The following KLK2 variants were observed in gnomAD, a reference collection of about 807,000 sequenced individuals.
KLK2 encodes the protein kallikrein related peptidase 2.
Under a neutral mutation model 23.0 loss-of-function variants are expected in KLK2, and 17 were observed. The observed-to-expected ratio is 0.74, with a 90% CI of 0.51 to 1.11. The LOEUF (loss-of-function observed/expected upper bound fraction) is 1.11, where lower values mean the gene tolerates loss of function less well. Ranked by LOEUF, KLK2 falls within the 50% of genes least tolerant of loss-of-function variation. The pLI is 0.00. For synonymous variants in KLK2, 140 were observed against 124.7 expected (o/e 1.12, Z -0.82); for missense variants, 330 against 325.9 (o/e 1.01, Z -0.10).
chr19:50,878,328 G>A (rs1468697299), intron 4 of KLK2, 76 bp from the exon 5 acceptor site: 1 of 1,444,674 alleles, frequency 6.9e-7, no homozygotes, highest in Non-Finnish European at 9.5e-7. Context: ...TGCCTGCGCG[G>A]TTCTGAGAGA....
rs74761463 is a variant in KLK2, at chr19:50,878,324, C to T, written c.631-80C>T. The T allele has an allele frequency of 9.5e-3, 13,090 of 1,372,044 alleles. 85 individuals are homozygous for T. Among genetic ancestry groups the T allele is most frequent in the Non-Finnish European group, 0.011 (10,431 of 991,266 alleles). The allele number at this position is 1,372,044 out of a possible 1,614,324, so 85.0% of individuals were successfully genotyped here. A position where few individuals can be genotyped will look rare whatever the true frequency, so the allele number is the denominator to read the frequency against. The stretch of plus-strand genomic sequence containing the variant: ...GGAATTGCTCTCAGTCATCTGCCTG[C>T]GCGGTTCTGAGAGATGGAGTTGCCT... On this transcript the variant is annotated intron_variant, in intron 4 of 4. Coordinates refer to ENST00000325321, the MANE Select transcript of KLK2 (RefSeq NM_005551.5).
At chr19:50,873,879 A>C in intron 1 of KLK2, 1 of 285,240 alleles carries the variant, frequency 3.5e-6, no homozygotes, top group Non-Finnish European at 6.6e-6. Context: ...TGAGCCCCTC[A>C]GTCCTACCAC....
chr19:50,877,288 A>G (rs77792593), intron 4 of KLK2: 9,512 of 514,358 alleles, frequency 0.018, 124 homozygotes, highest in Non-Finnish European at 0.027. Flanking sequence ...GGGAAGCAGC[A>G]GTGAACAGGT....
intron 4 of KLK2, chr19:50,877,227 A>G: frequency 1.6e-6 from 1 of 616,384 alleles, no homozygotes; most frequent in Non-Finnish European, 2.8e-6. Flanking sequence ...TCCTGTGTTG[A>G]GCACATGCTT....
chr19:50,876,543 G>A lies in KLK2; in HGVS notation c.278G>A (p.Ser93Asn). ...PEDTGQRVPV[S>N]HSFPHPLYNM... ...GACACAGGCCAGAGGGTCCCTGTCA[G>A]CCACAGCTTCCCACACCCGCTCTAC... The change falls in exon 3 of 5, where the codon AGC becomes AAC. Residue 93 changes from serine (S) to asparagine (N), a missense_variant. Physicochemically the swap from Ser to Asn is conservative, Grantham distance 46. Transcript: ENST00000325321. 2 of 1,614,196 alleles carry A rather than the reference G, an allele frequency of 1.2e-6. No individual in the cohort carries two copies. Among genetic ancestry groups the A allele is most frequent in the Non-Finnish European group, 1.7e-6 (2 of 1,180,036 alleles).
chr19:50,878,569 TC>T lies in KLK2; in HGVS notation c.*13del, dbSNP rs778210185. 1.2e-5 allele frequency: 19 copies of T among 1,608,538 alleles called. No homozygotes were observed. Among genetic ancestry groups the T allele is most frequent in the Non-Finnish European group, 1.2e-5 (14 of 1,175,906 alleles). On this transcript the variant is annotated 3_prime_UTR_variant, in exon 5 of 5. Transcript: ENST00000325321. ...CGCAGCCAACCCCTGAGTGCCCCTG[TC>T]CCACCCCTACCTCTAGTAAATTTAA...
In KLK2 at chr19:50,876,464, C is replaced by T; in HGVS notation, c.207-8C>T. 1 of 1,613,706 alleles carries T rather than the reference C, an allele frequency of 6.2e-7. No homozygotes were observed. Among genetic ancestry groups the T allele is most frequent in the African/African-American group, 1.3e-5 (1 of 75,026 alleles). On this transcript the variant is annotated splice_polypyrimidine_tract_variant and splice_region_variant and intron_variant, in intron 2 of 4. Transcript: ENST00000325321. Reference sequence around the variant, plus strand: ...CTCTCCTCATGCATCCACCCCCTTCCTCCCCAGGAATAGCCAGGTCTGGCT... The same window carrying T: ...CTCTCCTCATGCATCCACCCCCTTCTTCCCCAGGAATAGCCAGGTCTGGCT...
Position 50,878,412 on chromosome 19 carries a change from T to C in KLK2, c.639T>C (p.Ser213=), listed in dbSNP as rs1229917803. 2 of 1,613,282 alleles carry C rather than the reference T, an allele frequency of 1.2e-6. No individual in the cohort carries two copies. The highest frequency in any genetic ancestry group is 1.7e-6 in the Non-Finnish European group (2 of 1,179,424). ...TCCTCCTTTACCCTTAGGGTGATTC[T>C]GGGGGTCCACTTGTCTGTAATGGTG... ...TGGKDTCGGD[S]GGPLVCNGVL... is the part of the protein sequence containing the mutation. The change falls in exon 5 of 5, where the codon TCT becomes TCC. Residue 213 remains serine, a synonymous_variant. Coordinates refer to ENST00000325321, the MANE Select transcript of KLK2 (RefSeq NM_005551.5).
At position 50,880,239 on chromosome 19, in the gene KLK2, A is replaced by G. The variant is rs1167447648; in HGVS notation, c.*1680A>G. ...CCAGAGCAGGAGGACGCTGCACACC[A>G]TGCAGGATGACATGGGGGATGCGCT... On this transcript the variant is annotated 3_prime_UTR_variant, in exon 5 of 5. Coordinates refer to ENST00000325321, the MANE Select transcript of KLK2 (RefSeq NM_005551.5). 4.3e-6 allele frequency: 1 copy of G among 230,632 alleles called. No homozygotes were observed. The highest frequency in any genetic ancestry group is 5.6e-5 in the Admixed American group (1 of 17,702). The allele number at this position is 230,632 out of a possible 1,614,324, so 14.3% of individuals were successfully genotyped here.
At position 50,879,953 on chromosome 19, in the gene KLK2, G is replaced by A. The variant is rs1221400653; in HGVS notation, c.*1394G>A. ...GGATGAGGGAAAGGGAGAGGATGAG[G>A]AAGCCCCCCTGGGGATTTGGTTTGG... On this transcript the variant is annotated 3_prime_UTR_variant, in exon 5 of 5. Coordinates refer to ENST00000325321, the MANE Select transcript of KLK2 (RefSeq NM_005551.5). 8.7e-6 allele frequency: 2 copies of A among 230,484 alleles called. No homozygotes were observed. Among genetic ancestry groups the A allele is most frequent in the East Asian group, 6.2e-5 (1 of 16,210 alleles). The allele number at this position is 230,484 out of a possible 1,614,324, so 14.3% of individuals were successfully genotyped here.
intron 3 of KLK2, 56 bp downstream of exon 3, chr19:50,876,814 G>A (rs968979948): frequency 2.5e-6 from 4 of 1,610,058 alleles, no homozygotes; most frequent in Admixed American, 3.3e-5. Flanking sequence ...TCTGAGGGAA[G>A]TGGGGCCAAA....
intron 1 of KLK2, 130 bp from the exon 2 acceptor site, chr19:50,874,591 C>G: frequency 1.4e-6 from 1 of 691,688 alleles, no homozygotes; most frequent in Non-Finnish European, 2.4e-6. Flanking sequence ...CCTCCCAGGA[C>G]CCCTTGCTTG....
rs754308480 is a variant in KLK2 at position 50,874,810 on chromosome 19, G to T, written c.136G>T (p.Gly46Ter). 3.7e-6 allele frequency: 6 copies of T among 1,613,850 alleles called. No individual in the cohort carries two copies. ...QPWQVAVYSH[G>*]WAHCGGVLVH... ...CTGGCAGGTGGCTGTGTACAGTCAT[G>T]GATGGGCACACTGTGGGGGTGTCCT... The change falls in exon 2 of 5, where the codon GGA becomes TGA. Residue 46 changes from glycine (G) to a stop codon, truncating the protein, a stop_gained. Coordinates refer to ENST00000325321, the MANE Select transcript of KLK2 (RefSeq NM_005551.5). LOFTEE classifies it high-confidence loss of function.
At position 50,874,762 on chromosome 19, in the gene KLK2, G is replaced by A; in HGVS notation, c.88G>A (p.Glu30Lys). The A allele has an allele frequency of 6.2e-7, 1 of 1,613,208 alleles. No homozygotes were observed. The highest frequency in any genetic ancestry group is 8.5e-7 in the Non-Finnish European group (1 of 1,179,872). The change falls in exon 2 of 5, where the codon GAG becomes AAG. Residue 30 changes from glutamate to lysine, a missense_variant. Physicochemically the swap from Glu to Lys is moderately conservative, Grantham distance 56. Coordinates refer to ENST00000325321, the MANE Select transcript of KLK2 (RefSeq NM_005551.5). ...CCAGTCTCGGATTGTGGGAGGCTGG[G>A]AGTGTGAGAAGCATTCCCAACCCTG... ...LIQSRIVGGW[E>K]CEKHSQPWQV...
rs915385008 is a variant in KLK2, at chr19:50,878,744, C to T, written c.*185C>T. ...CAGGGCTGCTAGGAAAAGGAATGGG[C>T]AGACACAGGTGTATGCCAATGTTTC... On this transcript the variant is annotated 3_prime_UTR_variant, in exon 5 of 5. Coordinates refer to ENST00000325321, the MANE Select transcript of KLK2 (RefSeq NM_005551.5). The T allele has an allele frequency of 2.8e-4, 156 of 550,634 alleles. No homozygotes were observed. Among genetic ancestry groups the T allele is most frequent in the Admixed American group, 1.2e-3 (39 of 32,358 alleles). 34.1% of individuals were successfully genotyped at this position (550,634 alleles called of 1,614,324 possible). A position where few individuals can be genotyped will look rare whatever the true frequency, so the allele number is the denominator to read the frequency against.
chr19:50,875,945 C>A (rs558671594), intron 2 of KLK2: 9 of 164,828 alleles, frequency 5.5e-5, no homozygotes, highest in Admixed American at 1.2e-4. Flanking sequence ...TGCAGGTGAG[C>A]CACCCTCATG....
chr19:50,874,746 G>C lies in KLK2; in HGVS notation c.72G>C (p.Arg24=). The change falls in exon 2 of 5, where the codon CGG becomes CGC. Residue 24 remains arginine, a synonymous_variant. Transcript: ENST00000325321. The part of the protein sequence containing the change: ...CTGAVPLIQS[R]IVGGWECEKH... ...GTGCCGTGCCCCTCATCCAGTCTCG[G>C]ATTGTGGGAGGCTGGGAGTGTGAGA... 3 of 1,612,708 alleles carry C rather than the reference G, an allele frequency of 1.9e-6. No individual in the cohort carries two copies. Among genetic ancestry groups the C allele is most frequent in the Non-Finnish European group, 2.5e-6 (3 of 1,179,680 alleles).
rs1029603603 is a variant in KLK2 at position 50,878,903 on chromosome 19, G to A, written c.*344G>A. On this transcript the variant is annotated 3_prime_UTR_variant, in exon 5 of 5. Coordinates refer to ENST00000325321, the MANE Select transcript of KLK2 (RefSeq NM_005551.5). ...TGTGGGGTGCAGAGATGGGAGGGGT[G>A]GGGCCCACCCTGGAAGAGTGGACAG... is the stretch of plus-strand genomic sequence containing the variant. 4.5e-5 allele frequency: 13 copies of A among 286,496 alleles called. No individual in the cohort carries two copies. Among genetic ancestry groups the A allele is most frequent in the Non-Finnish European group, 8.0e-5 (12 of 150,548 alleles). The allele number at this position is 286,496 out of a possible 1,614,324, so 17.7% of individuals were successfully genotyped here.
intron 4 of KLK2, 39 bp from the exon 5 acceptor site, chr19:50,878,365 C>A: frequency 6.3e-7 from 1 of 1,581,668 alleles, no homozygotes; most frequent in Non-Finnish European, 8.6e-7. Context: ...GTTATTGGGG[C>A]CAATCTTTCT....
Sources: allele counts gnomAD v4.1 joint callset, GRCh38; gene constraint gnomAD v4.1.1; transcripts MANE v1.5; gene names NCBI Gene and HGNC (gene_info 2026-07-23, HGNC 2026-07-21).